The following AMOTL1 variants were observed in gnomAD, a reference collection of about 807,000 sequenced individuals.
AMOTL1 encodes the protein angiomotin like 1.
In AMOTL1, 45 loss-of-function variants were observed where a neutral mutation model predicts 102.9. The observed-to-expected ratio is 0.44, with a 90% confidence interval of 0.34 to 0.56. AMOTL1 has a LOEUF of 0.56. Among genes scored for constraint, AMOTL1 ranks in the 20% least tolerant of loss-of-function variants. The pLI, the probability that AMOTL1 is intolerant of heterozygous loss-of-function variation, is 0.01. For missense variants in AMOTL1, 1,114 were observed against 1,225.6 expected (o/e 0.91, Z 1.36); for synonymous variants, 481 against 484.7 (o/e 0.99, Z 0.10).
In AMOTL1 at chr11:94,869,210, G is replaced by C; in HGVS notation, c.2501G>C (p.Gly834Ala). ...TCTCTGCCCTCAGGATTGCTGCTGG[G>C]GAAGGAGCACCATGAGCATGCCTCT... ...TWKGSIGLLL[G>A]KEHHEHASAP... Residue 834 changes from glycine (G) to alanine (A), a missense_variant, in exon 12 of 13, where the codon GGG becomes GCG. By Grantham distance (60) the Gly-to-Ala change is moderately conservative. Coordinates refer to ENST00000433060, the MANE Select transcript of AMOTL1 (RefSeq NM_130847.3). 6.3e-7 allele frequency: 1 copy of C among 1,595,094 alleles called. No individual in the cohort carries two copies. The highest frequency in any genetic ancestry group is 8.6e-7 in the Non-Finnish European group (1 of 1,165,852).
At chr11:94,751,012 A>C (rs1271956024) in intron 3 of AMOTL1, among the ~76,000 whole-genome samples, 1 of 152,208 alleles carries the variant, frequency 6.6e-6, no homozygotes, top group Non-Finnish European at 1.5e-5. Context: ...CTAGAGGCAA[A>C]GATTAGATTC....
At chr11:94,853,444 C>G (rs1282067797) in intron 7 of AMOTL1, among the ~76,000 whole-genome samples, 1 of 152,178 alleles carries the variant, frequency 6.6e-6, no homozygotes, top group Non-Finnish European at 1.5e-5. Context: ...ATGATGGCTT[C>G]CAGCTTCATC....
intron 3 of AMOTL1, among the ~76,000 whole-genome samples, chr11:94,813,051 C>T (rs1046300696): frequency 7.9e-5 from 12 of 152,234 alleles, no homozygotes; most frequent in African/African-American, 2.9e-4. Flanking sequence ...CCATTCTCCG[C>T]AGGAGGTCAC....
intron 1 of AMOTL1, among the ~76,000 whole-genome samples, chr11:94,788,358 G>T (rs953259938): frequency 6.6e-6 from 1 of 152,118 alleles, no homozygotes; most frequent in East Asian, 1.9e-4. Context: ...ACTAAGCTAC[G>T]CTGAACTCTC....
chr11:94,818,005 A>G (rs1278426407), intron 3 of AMOTL1, among the ~76,000 whole-genome samples: 1 of 152,240 alleles, frequency 6.6e-6, no homozygotes, highest in African/African-American at 2.4e-5. Context: ...AATCTGAAGC[A>G]TATATCTCTC....
intron 1 of AMOTL1, among the ~76,000 whole-genome samples, chr11:94,708,524 G>A (rs1949969115): frequency 6.6e-6 from 1 of 152,166 alleles, no homozygotes; most frequent in Non-Finnish European, 1.5e-5. Context: ...AACAATACCT[G>A]CTTCATTAGG....
chr11:94,820,580 G>T (rs1210585225), intron 3 of AMOTL1, among the ~76,000 whole-genome samples: 1 of 152,218 alleles, frequency 6.6e-6, no homozygotes, highest in East Asian at 1.9e-4. Flanking sequence ...GACAATCGCG[G>T]GGTTGGAGTA....
At chr11:94,821,488 C>G (rs1435704641) in intron 3 of AMOTL1, 42 bp from the exon 4 acceptor site, 1 of 1,584,708 alleles carries the variant, frequency 6.3e-7, no homozygotes, top group African/African-American at 1.3e-5. Flanking sequence ...CTGCTCCCAC[C>G]ATTTCCCCAG....
At position 94,778,182 on chromosome 11, in the gene AMOTL1, C is replaced by G. The variant is rs118001030; in HGVS notation, c.49+9622C>G. Among the ~76,000 whole-genome samples the G allele has an allele frequency of 4.8e-4, 73 of 152,262 alleles. 1 individual carries two copies. The highest frequency in any genetic ancestry group is 8.5e-4 in the Non-Finnish European group (58 of 67,996). On this transcript the variant is annotated intron_variant, in intron 1 of 12. Coordinates refer to ENST00000433060, the MANE Select transcript of AMOTL1 (RefSeq NM_130847.3). ...ACTTCTACAAGCTTAGAAGAGTTCT[C>G]TCCTGGGGAGGGTGGATAAATACAG...
chr11:94,842,826 C>T (rs1331621873), intron 6 of AMOTL1, among the ~76,000 whole-genome samples: 1 of 152,182 alleles, frequency 6.6e-6, no homozygotes, highest in Admixed American at 6.5e-5. Flanking sequence ...TGTCCCTTCT[C>T]TCCCTTCCCT....
chr11:94,721,559 T>G (rs1481977197), intron 1 of AMOTL1, among the ~76,000 whole-genome samples: 1 of 152,064 alleles, frequency 6.6e-6, no homozygotes, highest in African/African-American at 2.4e-5. Context: ...TTATAAGAAC[T>G]AGGAGAGTCC....
At chr11:94,819,854 A>G (rs566989202) in intron 3 of AMOTL1, among the ~76,000 whole-genome samples, 37 of 152,318 alleles carry the variant, frequency 2.4e-4, no homozygotes, top group African/African-American at 8.9e-4. Context: ...TGTTGTTAGG[A>G]GCCCTTGGCT....
intron 1 of AMOTL1, among the ~76,000 whole-genome samples, chr11:94,727,358 T>C (rs1475144669): frequency 6.6e-6 from 1 of 152,158 alleles, no homozygotes; most frequent in African/African-American, 2.4e-5. Flanking sequence ...ATGATACCAG[T>C]GTGATTATGG....
intron 1 of AMOTL1, among the ~76,000 whole-genome samples, chr11:94,781,817 T>C (rs1473312340): frequency 2.7e-5 from 4 of 148,512 alleles, no homozygotes; most frequent in African/African-American, 7.5e-5. Context: ...CCTGGTGACA[T>C]AGCGAGACTC....
At chr11:94,824,327 T>C (rs59794865) in intron 4 of AMOTL1, among the ~76,000 whole-genome samples, 36,232 of 152,098 alleles carry the variant, frequency 0.24, 4,919 homozygotes, top group East Asian at 0.47. Context: ...AACATCACAA[T>C]GAAATGATGT....
rs766606841 is a variant in AMOTL1 at position 94,869,462 on chromosome 11, C to A, written c.2753C>A (p.Ala918Glu). The change falls in exon 12 of 13, where the codon GCA becomes GAA. Residue 918 changes from alanine to glutamate, a missense_variant. Physicochemically the swap from Ala to Glu is moderately radical, Grantham distance 107. Transcript: ENST00000433060. ...AAACACCCAGCGGCCAAAGGGACCG[C>A]AGAGAAACTGGGTATGTGGGCTACC... ...VLKHPAAKGTAEKLENSPGHG... is the reference protein window; with the variant it reads ...VLKHPAAKGTEEKLENSPGHG... 27 of 1,599,208 alleles carry A rather than the reference C, an allele frequency of 1.7e-5. No individual in the cohort carries two copies. Among genetic ancestry groups the A allele is most frequent in the Non-Finnish European group, 2.3e-5 (27 of 1,172,928 alleles).
chr11:94,768,486 G>T lies in AMOTL1; in HGVS notation c.-26G>T. ...CCCGGCAGCCGTCTTCCCCAGCCGA[G>T]GGACTGAACTAGCCATGATCGCCTC... On this transcript the variant is annotated 5_prime_UTR_variant, in exon 1 of 13. In the 5' UTR this introduces an upstream ATG that the reference lacks. Coordinates refer to ENST00000433060, the MANE Select transcript of AMOTL1 (RefSeq NM_130847.3). The T allele has an allele frequency of 6.3e-7, 1 of 1,586,872 alleles. No homozygotes were observed. The highest frequency in any genetic ancestry group is 2.3e-5 in the East Asian group (1 of 43,010).
Position 94,859,637 on chromosome 11 carries a change from A to C in AMOTL1, c.2057A>C (p.Lys686Thr), listed in dbSNP as rs1952734705. ...CTGGCCCTGGAGGCCGACATGACAA[A>C]GTGGGAGCAGAAGTACCTGGAGGAG... ...RILALEADMT[K>T]WEQKYLEEST... The change falls in exon 9 of 13, where the codon AAG becomes ACG. Residue 686 changes from lysine (K) to threonine (T), a missense_variant. Lys to Thr is a moderately conservative substitution (Grantham distance 78). Transcript: ENST00000433060. The C allele has an allele frequency of 8.7e-6, 14 of 1,613,660 alleles. No individual in the cohort carries two copies. The highest frequency in any genetic ancestry group is 1.2e-5 in the Non-Finnish European group (14 of 1,179,754).
At chr11:94,729,125 C>T in intron 2 of AMOTL1, 1 of 1,131,700 alleles carries the variant, frequency 8.8e-7, no homozygotes, top group Non-Finnish European at 1.2e-6. Context: ...TGTCAATCCA[C>T]TGTACTCAGT....
Sources: gnomAD v4.1 joint callset for allele counts (sites outside exome capture counted in the v4.1 genomes callset) on GRCh38, gnomAD v4.1.1 for gene constraint, MANE v1.5 for transcripts, NCBI Gene and HGNC (gene_info 2026-07-23, HGNC 2026-07-21) for gene names.